PCDHGA5: variants seen among roughly 807,000 people sequenced by gnomAD.
PCDHGA5 encodes protocadherin gamma-A5.
In PCDHGA5, 36 loss-of-function variants were observed where a neutral mutation model predicts 56.7. That is an observed-to-expected ratio of 0.64 (90% CI 0.49 to 0.84). The LOEUF (loss-of-function observed/expected upper bound fraction) is 0.84, where lower values mean the gene tolerates loss of function less well. PCDHGA5 is among the 40% of genes least tolerant of loss of function. PCDHGA5 has a pLI of 0.00. For missense variants in PCDHGA5, 1,305 were observed against 1,201.5 expected, an observed-to-expected ratio of 1.09 and a Z score of -1.27; for synonymous variants, 563 against 520.2, an observed-to-expected ratio of 1.08 and a Z score of -1.12.
Position 141,487,399 on chromosome 5 carries a change from G to A in PCDHGA5, c.2422-7408G>A. 1.2e-6 allele frequency: 2 copies of A among 1,614,140 alleles called. No homozygotes were observed. Among genetic ancestry groups the A allele is most frequent in the South Asian group, 1.1e-5 (1 of 91,088 alleles). On this transcript the variant is annotated intron_variant, in intron 1 of 3. Coordinates refer to ENST00000518069, the MANE Select transcript of PCDHGA5 (RefSeq NM_018918.3). The surrounding 1 kb of genome is among the most constrained non-coding windows in gnomAD (Gnocchi z 5.0). ...TCACCAGATCTCGAAGGAGGGAGGGGCTTCCCCCTTCCAATGGGATCCTCC... is the reference window on the plus strand; with the variant it reads ...TCACCAGATCTCGAAGGAGGGAGGGACTTCCCCCTTCCAATGGGATCCTCC...
chr5:141,428,361 C>G, intron 1 of PCDHGA5: 2 of 556,764 alleles, frequency 3.6e-6, no homozygotes, highest in Non-Finnish European at 6.6e-6. Context: ...TTTTGGCGGT[C>G]GCCTTGCACC....
chr5:141,501,302 C>T (rs886901737), intron 2 of PCDHGA5, among the ~76,000 whole-genome samples: 14 of 151,156 alleles, frequency 9.3e-5, no homozygotes, highest in African/African-American at 2.9e-4. Flanking sequence ...CACACACACA[C>T]ACACACACAC....
Position 141,365,656 on chromosome 5 carries a change from A to G in PCDHGA5, c.1326A>G (p.Val442=), listed in dbSNP as rs923075599. ...LSTESHIPLK[V]ADVNDNPPNF... is the part of the protein sequence containing the mutation. The stretch of plus-strand genomic sequence containing the variant: ...CAGAAAGCCACATCCCCTTGAAAGT[A>G]GCAGACGTTAATGACAACCCACCCA... The change falls in exon 1 of 4, where the codon GTA becomes GTG. Residue 442 remains valine (V), a synonymous_variant. Coordinates refer to ENST00000518069, the MANE Select transcript of PCDHGA5 (RefSeq NM_018918.3). The G allele has an allele frequency of 6.2e-7, 1 of 1,613,518 alleles. No homozygotes were observed. The highest frequency in any genetic ancestry group is 1.7e-5 in the Admixed American group (1 of 60,022).
intron 1 of PCDHGA5, among the ~76,000 whole-genome samples, chr5:141,444,006 G>T (rs1279816416): frequency 2.0e-5 from 3 of 152,012 alleles, no homozygotes; most frequent in Non-Finnish European, 4.4e-5. Flanking sequence ...TGCTACCTGG[G>T]TATTGGCTTC....
chr5:141,365,394 C>T lies in PCDHGA5; in HGVS notation c.1064C>T (p.Ser355Leu), dbSNP rs1245270195. 1.4e-5 allele frequency: 22 copies of T among 1,613,942 alleles called. No homozygotes were observed. The highest frequency in any genetic ancestry group is 1.9e-5 in the Non-Finnish European group (22 of 1,179,890). Residue 355 changes from serine (S) to leucine (L), a missense_variant, in exon 1 of 4, where the codon TCG (serine) becomes TTG (leucine). By Grantham distance (145) the Ser-to-Leu change is moderately radical (BLOSUM62 -2). Transcript: ENST00000518069. ...PEVILTSLTS[S>L]ISEDCLPGTV... ...GTGATCCTCACCTCTCTGACCAGTT[C>T]GATCTCTGAAGACTGTCTTCCCGGA...
intron 1 of PCDHGA5, chr5:141,423,343 C>T: frequency 6.2e-7 from 1 of 1,614,208 alleles, no homozygotes; most frequent in South Asian, 1.1e-5. Flanking sequence ...CTGCATCTTC[C>T]TGGTCTTTGT....
intron 1 of PCDHGA5, among the ~76,000 whole-genome samples, chr5:141,471,992 C>T (rs2099268578): frequency 6.6e-6 from 1 of 152,070 alleles, no homozygotes; most frequent in Non-Finnish European, 1.5e-5. Flanking sequence ...TATTAAAAAT[C>T]CCTGCATCGT....
At chr5:141,465,867 A>G (rs1049493106) in intron 1 of PCDHGA5, among the ~76,000 whole-genome samples, 5 of 152,040 alleles carry the variant, frequency 3.3e-5, no homozygotes, top group African/African-American at 9.7e-5. Context: ...TCATGCCTGT[A>G]ATCCCAGCAC....
intron 1 of PCDHGA5, chr5:141,403,162 T>C (rs745617954): frequency 9.3e-6 from 15 of 1,613,862 alleles, no homozygotes; most frequent in African/African-American, 2.7e-5. Flanking sequence ...TCTCTAGAGG[T>C]AGGACGCAGC....
At position 141,487,571 on chromosome 5, in the gene PCDHGA5, G is replaced by A; in HGVS notation, c.2422-7236G>A. The A allele has an allele frequency of 4.3e-6, 7 of 1,614,178 alleles. No individual in the cohort carries two copies. The highest frequency in any genetic ancestry group is 5.9e-6 in the Non-Finnish European group (7 of 1,180,038). On this transcript the variant is annotated intron_variant, in intron 1 of 3. Coordinates refer to ENST00000518069, the MANE Select transcript of PCDHGA5 (RefSeq NM_018918.3). This position sits in a 1 kb window ranked among gnomAD's most constrained non-coding sequence, Gnocchi z 5.0. ...CAGTGCACCTATGGCAGGGGAGCCTGTTCGCCCAAGCTGCCCACCCTCTGA... is the reference window on the plus strand; with the variant it reads ...CAGTGCACCTATGGCAGGGGAGCCTATTCGCCCAAGCTGCCCACCCTCTGA...
intron 1 of PCDHGA5, among the ~76,000 whole-genome samples, chr5:141,460,110 A>G (rs966038979): frequency 2.0e-5 from 3 of 151,894 alleles, no homozygotes; most frequent in African/African-American, 7.2e-5. Context: ...ATTATATATG[A>G]TTTTTATATA....
intron 1 of PCDHGA5, chr5:141,398,797 G>C (rs1338071296): frequency 1.2e-6 from 2 of 1,613,898 alleles, no homozygotes; most frequent in Non-Finnish European, 1.7e-6. Flanking sequence ...ACCCCTAAGC[G>C]GCACCACTGA....
At chr5:141,372,231 G>C (rs868293386) in intron 1 of PCDHGA5, 4 of 1,613,256 alleles carry the variant, frequency 2.5e-6, no homozygotes, top group Non-Finnish European at 3.4e-6. Context: ...GCAGGCCAGC[G>C]AGCCCGGGCT....
At chr5:141,400,903 T>C (rs1489476752) in intron 1 of PCDHGA5, among the ~76,000 whole-genome samples, 1 of 152,258 alleles carries the variant, frequency 6.6e-6, no homozygotes, top group Non-Finnish European at 1.5e-5. Flanking sequence ...TTAATTCATC[T>C]TTTAAAGCAA....
In PCDHGA5 at chr5:141,490,134, C is replaced by G; in HGVS notation, c.2422-4673C>G. On this transcript the variant is annotated intron_variant, in intron 1 of 3. Transcript: ENST00000518069. This position sits in a 1 kb window ranked among gnomAD's most constrained non-coding sequence, Gnocchi z 5.4. ...GGAACCTCTTTGGCCTAGACCCTAG[C>G]AGTGGGGCAATCCATGTGTTGGGTC... The G allele has an allele frequency of 1.2e-6, 2 of 1,614,232 alleles. No homozygotes were observed. The highest frequency in any genetic ancestry group is 1.7e-6 in the Non-Finnish European group (2 of 1,180,030).
intron 1 of PCDHGA5, chr5:141,413,526 G>A: frequency 6.2e-7 from 1 of 1,613,936 alleles, no homozygotes; most frequent in Non-Finnish European, 8.5e-7. Context: ...TGGAAGACAG[G>A]GTGAAACTTT....
chr5:141,393,603 G>C, intron 1 of PCDHGA5: 1 of 1,613,928 alleles, frequency 6.2e-7, no homozygotes, highest in East Asian at 2.2e-5. Flanking sequence ...GCTGCTTACT[G>C]TAACAGCCAG....
Position 141,366,618 on chromosome 5 carries a change from C to T in PCDHGA5, c.2288C>T (p.Ser763Leu), listed in dbSNP as rs781279706. ...YSHEVSLTAD[S>L]RKSHLIFPQP... is the part of the protein sequence containing the mutation. Reference sequence around the variant, plus strand: ...CACGAGGTCTCCCTCACCGCGGACTCGAGGAAGAGTCACCTGATCTTTCCC... The same window carrying T: ...CACGAGGTCTCCCTCACCGCGGACTTGAGGAAGAGTCACCTGATCTTTCCC... Residue 763 changes from serine (S) to leucine (L), a missense_variant, in exon 1 of 4, where the codon TCG becomes TTG. Ser to Leu is a moderately radical substitution (Grantham distance 145, BLOSUM62 -2). Coordinates refer to ENST00000518069, the MANE Select transcript of PCDHGA5 (RefSeq NM_018918.3). 7.4e-6 allele frequency: 12 copies of T among 1,614,114 alleles called. No homozygotes were observed. Among genetic ancestry groups the T allele is most frequent in the Non-Finnish European group, 1.0e-5 (12 of 1,180,056 alleles).
chr5:141,387,276 GAAAGAAAGATA>G (rs2090886505), intron 1 of PCDHGA5, among the ~76,000 whole-genome samples: 1 of 152,142 alleles, frequency 6.6e-6, no homozygotes, highest in Non-Finnish European at 1.5e-5. Context: ...TAGGAACAAT[GAAAGAAAGATA>G]AAATGTATCC....
Sources: allele counts gnomAD v4.1 joint callset (sites outside exome capture counted in the v4.1 genomes callset), GRCh38; gene constraint gnomAD v4.1.1; non-coding constraint Gnocchi (gnomAD v3.1); transcripts MANE v1.5; gene names NCBI Gene and HGNC (gene_info 2026-07-23, HGNC 2026-07-21).